Variants in AFDN observed in about 807,000 individuals in gnomAD.
The protein encoded by AFDN is afadin.
In AFDN, 68 loss-of-function variants were observed where a neutral mutation model predicts 216.6. The ratio of observed to expected loss-of-function variants is 0.31; its 90% CI spans 0.26 to 0.38. AFDN has a LOEUF of 0.38. AFDN is among the 10% of genes least tolerant of loss of function. AFDN has a pLI of 1.00. For synonymous variants in AFDN, 868 were observed against 853.7 expected (o/e 1.02, Z -0.29); for missense variants, 2,136 against 2,342.0 (o/e 0.91, Z 1.82).
At chr6:167,863,651 G>C (rs553024949) in intron 1 of AFDN, 1 of 386,348 alleles carries the variant, frequency 2.6e-6, no homozygotes, top group Non-Finnish European at 5.2e-6. Context: ...ATATTCTCTG[G>C]AATTTTTGTT....
At chr6:167,891,408 GGTGTGTGTGT>G (rs71004178) in intron 8 of AFDN, among the ~76,000 whole-genome samples, 2 of 72,110 alleles carry the variant, frequency 2.8e-5, no homozygotes, top group East Asian at 5.1e-4. Flanking sequence ...TAAAGGGGTG[GGTGTGTGTGT>G]GTGTGTGTGT....
chr6:167,885,467 AT>A (rs1352255802), intron 6 of AFDN, among the ~76,000 whole-genome samples: 2 of 152,128 alleles, frequency 1.3e-5, no homozygotes, highest in Non-Finnish European at 2.9e-5. Flanking sequence ...CCTAATTTCA[AT>A]GTTATGTCTC....
chr6:167,872,147 T>G, intron 3 of AFDN, 67 bp from the exon 4 acceptor site: 1 of 1,490,922 alleles, frequency 6.7e-7, no homozygotes, highest in Non-Finnish European at 9.1e-7. Context: ...TGAAGTTACC[T>G]AAGCCGTAGG....
chr6:167,900,421 T>C (rs1356398306), intron 11 of AFDN, among the ~76,000 whole-genome samples: 1 of 152,216 alleles, frequency 6.6e-6, no homozygotes, highest in Non-Finnish European at 1.5e-5. Flanking sequence ...AATTATCAAG[T>C]ACCCAGGGCA....
chr6:167,870,658 T>C (rs1166089068), intron 3 of AFDN, among the ~76,000 whole-genome samples, 160 bp downstream of exon 3: 2 of 152,184 alleles, frequency 1.3e-5, no homozygotes, highest in Non-Finnish European at 2.9e-5. Flanking sequence ...GAAGCCTTTT[T>C]CTCTCTACTT....
chr6:167,962,302 C>T lies in AFDN; in HGVS notation c.4834-131C>T. Reference sequence around the variant, plus strand: ...TTTATTTTCCAACAGTGATTTTAACCTGGTATTTTATATTTAACTTTCTGT... The same window carrying T: ...TTTATTTTCCAACAGTGATTTTAACTTGGTATTTTATATTTAACTTTCTGT... On this transcript the variant is annotated intron_variant, in intron 30 of 33. Transcript: ENST00000683244. The surrounding 1 kb of genome is among the most constrained non-coding windows in gnomAD (Gnocchi z 5.2). 1 of 1,258,412 alleles carries T rather than the reference C, an allele frequency of 7.9e-7. No homozygotes were observed. Among genetic ancestry groups the T allele is most frequent in the Non-Finnish European group, 1.1e-6 (1 of 951,622 alleles). The allele number at this position is 1,258,412 out of a possible 1,614,324, so 78.0% of individuals were successfully genotyped here. A position where few individuals can be genotyped will look rare whatever the true frequency, so the allele number is the denominator to read the frequency against.
chr6:167,827,929 C>A (rs1292223074), intron 1 of AFDN: 2 of 152,198 alleles, frequency 1.3e-5, no homozygotes, highest in Non-Finnish European at 2.9e-5. Context: ...TCGCTCCTGG[C>A]CTGGTAACAA....
At position 167,906,738 on chromosome 6, in the gene AFDN, A is replaced by G. The variant is rs111657931; in HGVS notation, c.1651-433A>G. On this transcript the variant is annotated intron_variant, in intron 12 of 33. Transcript: ENST00000683244. ...TACTGAATTCATTAGGTATTGAGCT[A>G]TAAGGAGTAGGATTTCTAAATCTGT... Among the ~76,000 whole-genome samples the G allele has an allele frequency of 3.9e-3, 599 of 152,364 alleles. 4 individuals carry two copies. Among genetic ancestry groups the G allele is most frequent in the African/African-American group, 0.014 (570 of 41,584 alleles).
chr6:167,965,794 C>CCGAGAGGCGCAGACAGCA lies in AFDN; in HGVS notation c.5010_5027dup (p.Glu1670_His1675dup), dbSNP rs1797480675. 1 of 1,561,088 alleles carries CCGAGAGGCGCAGACAGCA rather than the reference C, an allele frequency of 6.4e-7. No individual in the cohort carries two copies. Among genetic ancestry groups the CCGAGAGGCGCAGACAGCA allele is most frequent in the Non-Finnish European group, 8.7e-7 (1 of 1,154,936 alleles). On this transcript the variant is annotated inframe_insertion, in exon 32 of 34. Transcript: ENST00000683244. ...GAAGGGTATTACAGCCGCCTGGAAG[C>CCGAGAGGCGCAGACAGCA]CGAGAGGCGCAGACAGCACGACGAG... is the stretch of plus-strand genomic sequence containing the variant.
chr6:167,936,746 C>G (rs188773905), intron 23 of AFDN, among the ~76,000 whole-genome samples: 1 of 152,248 alleles, frequency 6.6e-6, no homozygotes, highest in South Asian at 2.1e-4. Context: ...GCTCTTCCCC[C>G]AGTCAGGGTG....
chr6:167,931,809 G>A (rs759849909), intron 23 of AFDN, among the ~76,000 whole-genome samples: 3 of 152,260 alleles, frequency 2.0e-5, no homozygotes, highest in African/African-American at 2.4e-5. Context: ...CCTGCCCTGC[G>A]TCTTACTGAG....
At chr6:167,947,719 T>C (rs79768934) in intron 27 of AFDN, 134 bp from the exon 28 acceptor site, 7 of 372,760 alleles carry the variant, frequency 1.9e-5, no homozygotes, top group African/African-American at 1.2e-4. Context: ...CCTGCCTTGA[T>C]TTTTTTTTTT....
intron 12 of AFDN, among the ~76,000 whole-genome samples, chr6:167,905,666 CAAATG>C (rs1383138950): frequency 1.3e-5 from 2 of 151,554 alleles, no homozygotes; most frequent in East Asian, 1.9e-4. Context: ...CACTTAAAAA[CAAATG>C]AAAACCATTC....
rs1211944999 is a variant in AFDN, at chr6:167,951,489, C to G, written c.4135C>G (p.Pro1379Ala). Reference protein sequence around the residue: ...TDLPPPPPPPPVHYAGDFDGM... With the variant: ...TDLPPPPPPPAVHYAGDFDGM... ...CCTGCCTCCGCCACCCCCGCCACCT[C>G]CAGTCCACTATGCCGGTGATTTCGA... is the stretch of plus-strand genomic sequence containing the variant. The change falls in exon 30 of 34, where the codon CCA becomes GCA. Residue 1379 changes from proline to alanine, a missense_variant. Around this residue, in one of 8 missense-constraint regions of AFDN, gnomAD observed 981 missense variants for 966.0 expected, o/e 1.02. Coordinates refer to ENST00000683244, the MANE Select transcript of AFDN (RefSeq NM_001386888.1). This position sits in a 1 kb window ranked among gnomAD's most constrained non-coding sequence, Gnocchi z 7.1. 1.2e-6 allele frequency: 2 copies of G among 1,614,064 alleles called. No individual in the cohort carries two copies. Among genetic ancestry groups the G allele is most frequent in the East Asian group, 2.2e-5 (1 of 44,866 alleles).
rs139967599 is a variant in AFDN at position 167,843,944 on chromosome 6, C to A, written c.105+16707C>A. 8.5e-3 allele frequency among the ~76,000 whole-genome samples: 1,299 copies of A among 152,262 alleles called. 20 individuals are homozygous for A. Among genetic ancestry groups the A allele is most frequent in the African/African-American group, 0.03 (1,247 of 41,538 alleles). On this transcript the variant is annotated intron_variant, in intron 1 of 33. Coordinates refer to ENST00000683244, the MANE Select transcript of AFDN (RefSeq NM_001386888.1). ...GTAAGCTTTTTCAGGTGGGCAGTAA[C>A]TGACCTGTTTTACTCAAAGGGAAAC...
In AFDN at chr6:167,943,111, G is replaced by A. The variant is rs1274189446; in HGVS notation, c.3100-18G>A. On this transcript the variant is annotated intron_variant, in intron 23 of 33. Transcript: ENST00000683244. ...AATATATCTTCAATGCAGTGTTTTC[G>A]CCTTGTTTTTGCAATAGGGTGCTGG... The A allele has an allele frequency of 9.3e-6, 15 of 1,609,608 alleles. No homozygotes were observed. The highest frequency in any genetic ancestry group is 2.2e-5 in the South Asian group (2 of 90,428).
intron 26 of AFDN, among the ~76,000 whole-genome samples, chr6:167,945,453 T>C (rs1795154970): frequency 6.6e-6 from 1 of 152,202 alleles, no homozygotes; most frequent in South Asian, 2.1e-4. Context: ...ATAAAAAATA[T>C]AGTATAGTAA....
intron 13 of AFDN, 143 bp from the exon 14 acceptor site, chr6:167,910,958 G>T: frequency 1.4e-6 from 1 of 698,460 alleles, no homozygotes. Flanking sequence ...GGCTACATCT[G>T]AAAACAAGGG....
rs1236682035 is a variant in AFDN at position 167,965,915 on chromosome 6, C to T, written c.5127C>T (p.Gly1709=). Residue 1709 remains glycine (G), a synonymous_variant, in exon 32 of 34, where the codon GGC becomes GGT. Transcript: ENST00000683244. ...YEPPSPSPAP[G]APPPPPQRNA... is the part of the protein sequence containing the mutation. ...CCCCGTCCCCGTCCCCCGCGCCCGGCGCCCCTCCTCCCCCGCCTCAGCGAA... is the reference window on the plus strand; with the variant it reads ...CCCCGTCCCCGTCCCCCGCGCCCGGTGCCCCTCCTCCCCCGCCTCAGCGAA... 1.9e-6 allele frequency: 3 copies of T among 1,549,408 alleles called. No individual in the cohort carries two copies. The highest frequency in any genetic ancestry group is 1.7e-6 in the Non-Finnish European group (2 of 1,146,540).
Sources: gnomAD v4.1 joint callset for allele counts (sites outside exome capture counted in the v4.1 genomes callset) on GRCh38, gnomAD v4.1.1 for gene constraint, gnomAD v4.1.1 regional missense constraint, Gnocchi (gnomAD v3.1) non-coding constraint, MANE v1.5 for transcripts, NCBI Gene and HGNC (gene_info 2026-07-23, HGNC 2026-07-21) for gene names.